SATB1: variants seen among roughly 807,000 people sequenced by gnomAD.
SATB1 encodes the protein SATB homeobox 1.
A neutral mutation model predicts 86.9 loss-of-function variants in SATB1; 11 were observed. That is an observed-to-expected ratio of 0.13 (90% confidence interval 0.08 to 0.21). The LOEUF is 0.21. Ranked by LOEUF, SATB1 falls within the 10% of genes least tolerant of loss-of-function variation. SATB1 has a pLI of 1.00. For missense variants in SATB1, 551 were observed against 937.6 expected (o/e 0.59, Z 5.39); for synonymous variants, 357 against 357.2 (o/e 1.00, Z 0.01).
chr3:18,376,671 G>A (rs1050100072), intron 9 of SATB1, among the ~76,000 whole-genome samples: 1 of 151,926 alleles, frequency 6.6e-6, no homozygotes, highest in Non-Finnish European at 1.5e-5. Context: ...GGTTTAAAGC[G>A]GCTCTAACAT....
chr3:18,365,812 C>T (rs1695156477), intron 9 of SATB1, among the ~76,000 whole-genome samples: 1 of 152,152 alleles, frequency 6.6e-6, no homozygotes, highest in Non-Finnish European at 1.5e-5. Context: ...GCTATTTAGT[C>T]TCTTTAATCA....
At chr3:18,400,520 T>A (rs933168216) in intron 5 of SATB1, among the ~76,000 whole-genome samples, 6 of 152,192 alleles carry the variant, frequency 3.9e-5, no homozygotes, top group Non-Finnish European at 8.8e-5. Flanking sequence ...CAGGCATTTT[T>A]AAAATTCATT....
chr3:18,347,522 A>T lies in SATB1; in HGVS notation c.*1648T>A, dbSNP rs1470233216. 1 of 149,410 alleles carries T rather than the reference A, an allele frequency of 6.7e-6. No individual in the cohort carries two copies. Among genetic ancestry groups the T allele is most frequent in the African/African-American group, 2.6e-5 (1 of 38,828 alleles). The allele number at this position is 149,410 out of a possible 1,614,324, so 9.3% of individuals were successfully genotyped here. On this transcript the variant is annotated 3_prime_UTR_variant, in exon 11 of 11. Coordinates refer to ENST00000338745, the MANE Select transcript of SATB1 (RefSeq NM_002971.6). ...AAAAAGCTAAGGGGTTTTTATACAG[A>T]AGGTCCATTTTTTCCCCTACTTATT... is the stretch of plus-strand genomic sequence containing the variant.
At chr3:18,445,063 C>T in intron 1 of SATB1, 1 of 318,306 alleles carries the variant, frequency 3.1e-6, no homozygotes, top group Non-Finnish European at 4.5e-6. Context: ...CCACCCGGGA[C>T]GCGCATCCAG....
Position 18,424,940 on chromosome 3 carries a change from T to C in SATB1, c.-1338A>G, listed in dbSNP as rs1195625644. On this transcript the variant is annotated 5_prime_UTR_variant, in exon 1 of 11. Transcript: ENST00000338745. ...ACAGGGAGAGGTGTGTGTGTGTTTG[T>C]GTGTGTGCGTGAGTGTGAGCGCGAG... 6.4e-6 allele frequency: 1 copy of C among 155,064 alleles called. No homozygotes were observed. The highest frequency in any genetic ancestry group is 2.4e-5 in the African/African-American group (1 of 41,454). The allele number at this position is 155,064 out of a possible 1,614,324, so 9.6% of individuals were successfully genotyped here.
rs932042688 is a variant in SATB1, at chr3:18,352,989, T to A, written c.1576-794A>T. On this transcript the variant is annotated intron_variant, in intron 9 of 10. Coordinates refer to ENST00000338745, the MANE Select transcript of SATB1 (RefSeq NM_002971.6). This position sits in a 1 kb window ranked among gnomAD's most constrained non-coding sequence, Gnocchi z 4.1. ...AAGAACTGAATGATCATGAAGAATA[T>A]ATTTTCCAGTCATCTCGAGTCTTCA... 6.6e-6 allele frequency: 1 copy of A among 152,198 alleles called. No individual in the cohort carries two copies. Among genetic ancestry groups the A allele is most frequent in the East Asian group, 1.9e-4 (1 of 5,184 alleles). The allele number at this position is 152,198 out of a possible 1,614,324, so 9.4% of individuals were successfully genotyped here.
chr3:18,399,211 C>T (rs1697119013), intron 5 of SATB1, among the ~76,000 whole-genome samples: 1 of 152,152 alleles, frequency 6.6e-6, no homozygotes, highest in South Asian at 2.1e-4. Flanking sequence ...CAGTCTACTC[C>T]AGTTTGCCAA....
chr3:18,382,103 G>T (rs950950902), intron 8 of SATB1, among the ~76,000 whole-genome samples: 1 of 152,108 alleles, frequency 6.6e-6, no homozygotes, highest in Non-Finnish European at 1.5e-5. Context: ...ATGAACCTAT[G>T]TTTCATTATA....
At chr3:18,445,448 T>C in intron 1 of SATB1, 1 of 984,954 alleles carries the variant, frequency 1.0e-6, no homozygotes, top group Non-Finnish European at 1.2e-6. Flanking sequence ...GAGGGGTAAG[T>C]GTGGGCGCTT....
At chr3:18,356,974 T>C (rs1187360112) in intron 9 of SATB1, among the ~76,000 whole-genome samples, 4 of 151,850 alleles carry the variant, frequency 2.6e-5, no homozygotes, top group African/African-American at 4.8e-5. Flanking sequence ...GCAATATACA[T>C]ATATGTATAT....
chr3:18,431,148 TAAG>T (rs1317019681), intron 2 of SATB1, among the ~76,000 whole-genome samples: 3 of 152,054 alleles, frequency 2.0e-5, no homozygotes, highest in African/African-American at 4.8e-5. Context: ...CAAAATCGAG[TAAG>T]AAGAAGGAAG....
intron 7 of SATB1, among the ~76,000 whole-genome samples, chr3:18,389,450 C>A (rs1696525163): frequency 6.6e-6 from 1 of 151,430 alleles, no homozygotes; most frequent in South Asian, 2.1e-4. Context: ...ATGTTTTGGT[C>A]CTGTTCAGGT....
chr3:18,445,100 GCGCCCGGGGGCTCGGCGGACCC>G, intron 1 of SATB1: 1 of 566,546 alleles, frequency 1.8e-6, no homozygotes, highest in Non-Finnish European at 2.2e-6. Context: ...CGGGCACGCT[GCGCCCGGGGGCTCGGCGGACCC>G]CGCGTAGCCG....
At chr3:18,403,801 C>G (rs920244202) in intron 5 of SATB1, among the ~76,000 whole-genome samples, 1 of 152,008 alleles carries the variant, frequency 6.6e-6, no homozygotes, top group African/African-American at 2.4e-5. Context: ...TTGTAGTTTT[C>G]AATAAAATGA....
chr3:18,373,413 A>C (rs1461932549), intron 9 of SATB1, among the ~76,000 whole-genome samples: 2 of 152,246 alleles, frequency 1.3e-5, no homozygotes, highest in Admixed American at 1.3e-4. Context: ...TAATTCTAAC[A>C]GAATAAAAGA....
intron 9 of SATB1, among the ~76,000 whole-genome samples, chr3:18,364,621 G>A (rs897804661): frequency 6.6e-6 from 1 of 151,912 alleles, no homozygotes; most frequent in African/African-American, 2.4e-5. Flanking sequence ...GAGAAGGTGG[G>A]CCAAGGTTAA....
intron 10 of SATB1, chr3:18,351,200 A>T (rs7627392): frequency 1.4e-5 from 12 of 832,578 alleles, no homozygotes; most frequent in South Asian, 2.9e-5. Context: ...GCTCTGCCCA[A>T]GACCATGGTT....
intron 1 of SATB1, 48 bp from the exon 2 acceptor site, chr3:18,421,039 C>T (rs78702810): frequency 0.044 from 58,676 of 1,321,732 alleles, 1,681 homozygotes; most frequent in Non-Finnish European, 0.051. Context: ...CGGGGACCTA[C>T]GTGTATATAT....
intron 8 of SATB1, among the ~76,000 whole-genome samples, chr3:18,385,424 C>T (rs1696289303): frequency 6.6e-6 from 1 of 152,028 alleles, no homozygotes; most frequent in Non-Finnish European, 1.5e-5. Context: ...AGATGGAGAC[C>T]ATCCTGACTA....
Sources: allele counts gnomAD v4.1 joint callset (sites outside exome capture counted in the v4.1 genomes callset), GRCh38; gene constraint gnomAD v4.1.1; non-coding constraint Gnocchi (gnomAD v3.1); transcripts MANE v1.5; gene names NCBI Gene and HGNC (gene_info 2026-07-23, HGNC 2026-07-21).